The following RALGPS2 variants were observed in gnomAD, a reference collection of about 807,000 sequenced individuals.
RALGPS2 encodes ras-specific guanine nucleotide-releasing factor RalGPS2.
A neutral mutation model predicts 86.8 loss-of-function variants in RALGPS2; 43 were observed. The ratio of observed to expected loss-of-function variants is 0.50; its 90% CI spans 0.39 to 0.64. The LOEUF (loss-of-function observed/expected upper bound fraction) is 0.64, where lower values mean the gene tolerates loss of function less well. Among genes scored for constraint, RALGPS2 ranks in the 30% least tolerant of loss-of-function variants. RALGPS2 has a pLI of 0.00. For synonymous variants in RALGPS2, 243 were observed against 231.3 expected (o/e 1.05, Z -0.46); for missense variants, 536 against 694.6 (o/e 0.77, Z 2.57).
rs1572442997 is a variant in RALGPS2, at chr1:178,878,939, C to T, written c.783C>T (p.Asn261=). The T allele has an allele frequency of 1.2e-6, 2 of 1,612,570 alleles. No individual in the cohort carries two copies. Among genetic ancestry groups the T allele is most frequent in the Non-Finnish European group, 1.7e-6 (2 of 1,179,382 alleles). The change falls in exon 10 of 20, where the codon AAC becomes AAT. Residue 261 remains asparagine, a synonymous_variant. Coordinates refer to ENST00000367635, the MANE Select transcript of RALGPS2 (RefSeq NM_152663.5). ...PMLPHVQKYL[N]SVQYIEELQK... is the part of the protein sequence containing the mutation. ...TGCCTCATGTCCAAAAATATCTCAA[C>T]TCTGTTCAGTATATAGAAGAACTAC...
At chr1:178,860,591 C>T (rs1220975004) in intron 8 of RALGPS2, among the ~76,000 whole-genome samples, 1 of 152,158 alleles carries the variant, frequency 6.6e-6, no homozygotes, top group Admixed American at 6.5e-5. Context: ...CATTAAACAA[C>T]TCCCCATTCA....
intron 1 of RALGPS2, among the ~76,000 whole-genome samples, chr1:178,729,570 A>G (rs1284572175): frequency 6.6e-6 from 1 of 152,252 alleles, no homozygotes; most frequent in African/African-American, 2.4e-5. Context: ...CAGGTTGAGC[A>G]TCCCAAATCT....
At chr1:178,870,071 C>T (rs1327304713) in intron 8 of RALGPS2, among the ~76,000 whole-genome samples, 4 of 151,900 alleles carry the variant, frequency 2.6e-5, no homozygotes, top group Non-Finnish European at 5.9e-5. Flanking sequence ...CAAGTGATTC[C>T]ATTTGTAGCA....
At position 178,919,426 on chromosome 1, in the gene RALGPS2, A is replaced by G. The variant is rs528909544; in HGVS notation, c.*3067A>G. The G allele has an allele frequency of 4.6e-5, 7 of 152,080 alleles. No homozygotes were observed. In the South Asian group the frequency reaches 1.4e-3, roughly 31 times the overall value. 9.4% of individuals were successfully genotyped at this position (152,080 alleles called of 1,614,324 possible). A position where few individuals can be genotyped will look rare whatever the true frequency, so the allele number is the denominator to read the frequency against. On this transcript the variant is annotated 3_prime_UTR_variant, in exon 20 of 20. Coordinates refer to ENST00000367635, the MANE Select transcript of RALGPS2 (RefSeq NM_152663.5). ...AAAAGTCAGGGTGTTTATAACTGCA[A>G]AGTTTGTATAAGTGGCTTTATTCCT...
At chr1:178,896,467 CT>C (rs754576893) in intron 16 of RALGPS2, among the ~76,000 whole-genome samples, 6,922 of 136,702 alleles carry the variant, frequency 0.051, 445 homozygotes, top group African/African-American at 0.17. Flanking sequence ...TTTTTTTTTT[CT>C]TTTTTTTTTT....
intron 1 of RALGPS2, among the ~76,000 whole-genome samples, chr1:178,745,822 C>CTTTTTTTTTTTTTTTTTTTT (rs34277622): frequency 3.5e-5 from 3 of 86,110 alleles, no homozygotes; most frequent in Non-Finnish European, 4.7e-5. Flanking sequence ...TTCAATTCTT[C>CTTTTTTTTTTTTTTTTTTTT]TTTTTTTTTT....
intron 6 of RALGPS2, among the ~76,000 whole-genome samples, chr1:178,820,909 G>A (rs1655468118): frequency 6.6e-6 from 1 of 152,136 alleles, no homozygotes; most frequent in African/African-American, 2.4e-5. Context: ...GTAGGATTAG[G>A]ACAGTTGTAA....
chr1:178,730,891 G>A (rs898753033), intron 1 of RALGPS2, among the ~76,000 whole-genome samples: 2 of 151,936 alleles, frequency 1.3e-5, no homozygotes, highest in Non-Finnish European at 2.9e-5. Flanking sequence ...AGGAGAGACG[G>A]GGTTTCTCCA....
In RALGPS2 at chr1:178,917,159, T is replaced by G. The variant is rs186105339; in HGVS notation, c.*800T>G. The G allele has an allele frequency of 6.6e-6, 1 of 152,282 alleles. No homozygotes were observed. Among genetic ancestry groups the G allele is most frequent in the African/African-American group, 2.4e-5 (1 of 41,552 alleles). The allele number at this position is 152,282 out of a possible 1,614,324, so 9.4% of individuals were successfully genotyped here. ...GTTGTTTCTAACTAGGGTTAAAGTT[T>G]AGCTTTCTATATGAATTCATTGTTG... On this transcript the variant is annotated 3_prime_UTR_variant, in exon 20 of 20. Coordinates refer to ENST00000367635, the MANE Select transcript of RALGPS2 (RefSeq NM_152663.5).
intron 8 of RALGPS2, among the ~76,000 whole-genome samples, chr1:178,839,696 A>G (rs1251585573): frequency 6.6e-6 from 1 of 152,242 alleles, no homozygotes; most frequent in African/African-American, 2.4e-5. Context: ...AAATGCTCCA[A>G]TTAAAAGACA....
chr1:178,835,725 A>T (rs1017585846), intron 8 of RALGPS2, among the ~76,000 whole-genome samples: 4 of 152,104 alleles, frequency 2.6e-5, no homozygotes, highest in African/African-American at 9.7e-5. Flanking sequence ...TTATTTTACT[A>T]TCGAGAAAAC....
intron 8 of RALGPS2, among the ~76,000 whole-genome samples, chr1:178,859,288 T>C (rs1027904071): frequency 1.3e-5 from 2 of 152,048 alleles, no homozygotes; most frequent in Non-Finnish European, 2.9e-5. Context: ...ACCTAAAAAG[T>C]ATATTAAGAA....
chr1:178,904,492 T>C lies in RALGPS2; in HGVS notation c.1630+2281T>C, dbSNP rs145009084. Among the ~76,000 whole-genome samples the C allele has an allele frequency of 3.3e-3, 496 of 152,332 alleles. 5 individuals carry two copies. The highest frequency in any genetic ancestry group is 0.011 in the African/African-American group (444 of 41,568). On this transcript the variant is annotated intron_variant, in intron 18 of 19. Transcript: ENST00000367635. ...AATTTTTATAGTTTCAGGTCTTAGA[T>C]TTAAGTCCTTAATTCATCTTGAGTT...
At chr1:178,745,939 A>AGCCT (rs1434378519) in intron 1 of RALGPS2, among the ~76,000 whole-genome samples, 1 of 147,922 alleles carries the variant, frequency 6.8e-6, no homozygotes, top group Admixed American at 7.0e-5. Flanking sequence ...CTCCTGCCTC[A>AGCCT]GCCTCCCAAG....
chr1:178,760,205 T>G (rs1328544974), intron 1 of RALGPS2, among the ~76,000 whole-genome samples: 2 of 147,840 alleles, frequency 1.4e-5, no homozygotes, highest in Non-Finnish European at 2.9e-5. Flanking sequence ...TAGGTGACTA[T>G]TAGGTCCAGT....
chr1:178,746,752 C>T, intron 1 of RALGPS2: 1 of 802,342 alleles, frequency 1.2e-6, no homozygotes, highest in Non-Finnish European at 2.3e-6. Context: ...TCATCTGCTG[C>T]ACCTTCTGAG....
intron 8 of RALGPS2, among the ~76,000 whole-genome samples, chr1:178,844,711 A>T (rs1320027973): frequency 6.6e-6 from 1 of 152,182 alleles, no homozygotes; most frequent in Non-Finnish European, 1.5e-5. Context: ...GAACAGTCTT[A>T]AGGGGCTTGT....
chr1:178,799,477 G>T (rs73037788), intron 4 of RALGPS2, among the ~76,000 whole-genome samples: 1 of 152,106 alleles, frequency 6.6e-6, no homozygotes, highest in African/African-American at 2.4e-5. Context: ...GTGCAATTGC[G>T]GTTGGGTTTA....
chr1:178,894,823 G>A (rs1278896407), intron 16 of RALGPS2, among the ~76,000 whole-genome samples: 3 of 151,836 alleles, frequency 2.0e-5, no homozygotes, highest in Non-Finnish European at 4.4e-5. Context: ...CTTAAATCCT[G>A]TACTTTTTTT....
Sources: allele counts gnomAD v4.1 joint callset (sites outside exome capture counted in the v4.1 genomes callset), GRCh38; gene constraint gnomAD v4.1.1; transcripts MANE v1.5; gene names NCBI Gene and HGNC (gene_info 2026-07-23, HGNC 2026-07-21).